Variants in FBN2 observed in about 807,000 individuals in gnomAD.
FBN2 encodes fibrillin 2.
FBN2 carries 105 observed loss-of-function variants against 355.6 expected under a neutral mutation model. The ratio of observed to expected loss-of-function variants is 0.30; its 90% CI spans 0.25 to 0.35. The LOEUF (loss-of-function observed/expected upper bound fraction) is 0.35. Ranked by LOEUF, FBN2 falls within the 10% of genes least tolerant of loss-of-function variation. The pLI is 1.00. For synonymous variants in FBN2, 1,350 were observed against 1,301.2 expected, an observed-to-expected ratio of 1.04 and a Z score of -0.81; for missense variants, 3,280 against 3,758.7, an observed-to-expected ratio of 0.87 and a Z score of 3.33.
intron 5 of FBN2, among the ~76,000 whole-genome samples, chr5:128,485,056 C>T (rs904639753): frequency 1.3e-5 from 2 of 151,198 alleles, no homozygotes; most frequent in African/African-American, 4.9e-5. Context: ...CAGGGTTTGG[C>T]TCTGTTGCCT....
At chr5:128,407,853 A>C (rs1420011292) in intron 8 of FBN2, among the ~76,000 whole-genome samples, 1 of 152,178 alleles carries the variant, frequency 6.6e-6, no homozygotes, top group South Asian at 2.1e-4. Flanking sequence ...TTGGTTGCTG[A>C]CATACTAACT....
intron 5 of FBN2, among the ~76,000 whole-genome samples, chr5:128,488,487 TTTC>T (rs1755403731): frequency 6.6e-6 from 1 of 152,158 alleles, no homozygotes; most frequent in African/African-American, 2.4e-5. Flanking sequence ...TTTGATTTTA[TTTC>T]TTTTTTTTAA....
At chr5:128,442,696 C>T (rs1438429085) in intron 7 of FBN2, among the ~76,000 whole-genome samples, 1 of 151,918 alleles carries the variant, frequency 6.6e-6, no homozygotes, top group Non-Finnish European at 1.5e-5. Flanking sequence ...AGATCCAGGA[C>T]CCTAATTGAG....
intron 45 of FBN2, among the ~76,000 whole-genome samples, chr5:128,303,977 A>G (rs1749791692): frequency 6.6e-6 from 1 of 152,154 alleles, no homozygotes; most frequent in African/African-American, 2.4e-5. Flanking sequence ...TTTCCCTGCC[A>G]TTATAGGAGA....
chr5:128,317,605 A>G (rs1230149646), intron 36 of FBN2, among the ~76,000 whole-genome samples: 1 of 152,128 alleles, frequency 6.6e-6, no homozygotes, highest in East Asian at 1.9e-4. Context: ...ATACAGTAAC[A>G]GTGCAGATAG....
At chr5:128,383,017 A>G (rs977528983) in intron 11 of FBN2, among the ~76,000 whole-genome samples, 1 of 152,140 alleles carries the variant, frequency 6.6e-6, no homozygotes, top group African/African-American at 2.4e-5. Context: ...ACTTGACATC[A>G]GGCAACAAAG....
chr5:128,458,723 G>A (rs553449875), intron 6 of FBN2, among the ~76,000 whole-genome samples: 4 of 152,022 alleles, frequency 2.6e-5, no homozygotes, highest in African/African-American at 7.2e-5. Flanking sequence ...AAAGTAAGGC[G>A]GAAATCAAGA....
intron 7 of FBN2, among the ~76,000 whole-genome samples, chr5:128,410,606 T>C (rs535837893): frequency 1.3e-5 from 2 of 152,212 alleles, no homozygotes; most frequent in Non-Finnish European, 2.9e-5. Flanking sequence ...TTTCGTTTCA[T>C]AATAAACAAC....
chr5:128,460,756 G>T lies in FBN2; in HGVS notation c.826+3968C>A, dbSNP rs145490414. 6.4e-3 allele frequency among the ~76,000 whole-genome samples: 974 copies of T among 152,310 alleles called. 6 individuals are homozygous for T. The highest frequency in any genetic ancestry group is 0.014 in the Middle Eastern group (4 of 294). The stretch of plus-strand genomic sequence containing the variant: ...AAACCTGACAAAAACAAGCAATGGG[G>T]AAAGGATCTCCTAATTAGTAAATGG... On this transcript the variant is annotated intron_variant, in intron 6 of 64. Coordinates refer to ENST00000262464, the MANE Select transcript of FBN2 (RefSeq NM_001999.4).
chr5:128,488,919 G>C (rs1158525680), intron 5 of FBN2, among the ~76,000 whole-genome samples: 1 of 151,936 alleles, frequency 6.6e-6, no homozygotes, highest in Non-Finnish European at 1.5e-5. Context: ...ATTTGGGTTG[G>C]TTCCAAGTCT....
At chr5:128,346,754 C>A (rs1164202137) in intron 23 of FBN2, among the ~76,000 whole-genome samples, 1 of 152,130 alleles carries the variant, frequency 6.6e-6, no homozygotes, top group Non-Finnish European at 1.5e-5. Flanking sequence ...GCCTGGCCAA[C>A]ATGGCGAAAA....
At chr5:128,339,770 G>T (rs559537563) in intron 25 of FBN2, among the ~76,000 whole-genome samples, 1 of 152,144 alleles carries the variant, frequency 6.6e-6, no homozygotes, top group Non-Finnish European at 1.5e-5. Context: ...CGCAGCATGT[G>T]AAGGCAGGGC....
At chr5:128,462,334 T>A (rs1382435110) in intron 6 of FBN2, among the ~76,000 whole-genome samples, 3 of 152,160 alleles carry the variant, frequency 2.0e-5, no homozygotes, top group African/African-American at 7.2e-5. Flanking sequence ...CCAAACTAAT[T>A]TGGCATAAGT....
At chr5:128,499,580 T>C (rs1429873526) in intron 5 of FBN2, among the ~76,000 whole-genome samples, 3 of 152,190 alleles carry the variant, frequency 2.0e-5, no homozygotes, top group Admixed American at 6.5e-5. Context: ...TTCAGAGTAC[T>C]GAATTTGAAT....
At chr5:128,453,931 C>T (rs1754320321) in intron 6 of FBN2, among the ~76,000 whole-genome samples, 1 of 152,050 alleles carries the variant, frequency 6.6e-6, no homozygotes, top group South Asian at 2.1e-4. Flanking sequence ...CCTCCTGTAC[C>T]TCACTCAAGG....
intron 5 of FBN2, among the ~76,000 whole-genome samples, chr5:128,498,282 C>A (rs1755710053): frequency 1.3e-5 from 2 of 152,210 alleles, no homozygotes; most frequent in Non-Finnish European, 2.9e-5. Flanking sequence ...TCATACATAA[C>A]AGCCAATGGA....
intron 7 of FBN2, among the ~76,000 whole-genome samples, chr5:128,427,549 A>T (rs916825835): frequency 1.3e-5 from 2 of 152,194 alleles, no homozygotes; most frequent in Non-Finnish European, 2.9e-5. Context: ...CACGTGCCAG[A>T]GCTAACATTC....
intron 25 of FBN2, among the ~76,000 whole-genome samples, chr5:128,343,902 G>C (rs897723818): frequency 6.6e-6 from 1 of 152,040 alleles, no homozygotes; most frequent in African/African-American, 2.4e-5. Context: ...GAGTTTATTT[G>C]GAGAACTGGT....
chr5:128,320,272 T>C (rs1342220381), intron 34 of FBN2, among the ~76,000 whole-genome samples: 1 of 151,972 alleles, frequency 6.6e-6, no homozygotes, highest in African/African-American at 2.4e-5. Context: ...GCTGGAGTAG[T>C]AGCACGATCA....
Sources: allele counts gnomAD v4.1 joint callset (sites outside exome capture counted in the v4.1 genomes callset), GRCh38; gene constraint gnomAD v4.1.1; transcripts MANE v1.5; gene names NCBI Gene and HGNC (gene_info 2026-07-23, HGNC 2026-07-21).